XKR4: variants seen among roughly 807,000 people sequenced by gnomAD.
The protein encoded by XKR4 is XK-related protein 4.
In XKR4, 12 loss-of-function variants were observed where a neutral mutation model predicts 53.9. The observed-to-expected ratio is 0.22, with a 90% CI of 0.14 to 0.36. The LOEUF is 0.36. XKR4 is among the 10% of genes least tolerant of loss of function. XKR4 has a pLI of 1.00. For synonymous variants in XKR4, 354 were observed against 362.4 expected (o/e 0.98, Z 0.26); for missense variants, 799 against 859.5 (o/e 0.93, Z 0.88).
intron 2 of XKR4, among the ~76,000 whole-genome samples, chr8:55,403,989 C>A (rs1200625108): frequency 6.6e-6 from 1 of 152,134 alleles, no homozygotes; most frequent in Non-Finnish European, 1.5e-5. Context: ...TCTTCTCAGG[C>A]CTCTTTATGA....
chr8:55,291,785 A>G (rs1819024724), intron 1 of XKR4, among the ~76,000 whole-genome samples: 1 of 152,174 alleles, frequency 6.6e-6, no homozygotes, highest in Non-Finnish European at 1.5e-5. Context: ...TTCTATGTAG[A>G]CAATCATGTC....
At chr8:55,465,684 T>C (rs1805754992) in intron 2 of XKR4, among the ~76,000 whole-genome samples, 1 of 151,904 alleles carries the variant, frequency 6.6e-6, no homozygotes, top group Non-Finnish European at 1.5e-5. Context: ...GAAACCACCA[T>C]CAGAGTGAAC....
At chr8:55,424,409 T>A (rs1804981587) in intron 2 of XKR4, among the ~76,000 whole-genome samples, 1 of 152,234 alleles carries the variant, frequency 6.6e-6, no homozygotes, top group Non-Finnish European at 1.5e-5. Context: ...CACGCAATGA[T>A]TCTATCAGTT....
intron 2 of XKR4, among the ~76,000 whole-genome samples, chr8:55,441,255 A>T (rs1805261751): frequency 6.6e-6 from 1 of 152,076 alleles, no homozygotes; most frequent in South Asian, 2.1e-4. Context: ...AAAACATAAA[A>T]AAATAAAGTA....
intron 1 of XKR4, among the ~76,000 whole-genome samples, chr8:55,207,022 A>G (rs1817660238): frequency 6.6e-6 from 1 of 152,222 alleles, no homozygotes; most frequent in African/African-American, 2.4e-5. Flanking sequence ...TCCACTTGGC[A>G]TTTCTACTAG....
chr8:55,381,382 A>G (rs1667170115), intron 2 of XKR4, among the ~76,000 whole-genome samples: 1 of 152,180 alleles, frequency 6.6e-6, no homozygotes, highest in Admixed American at 6.5e-5. Context: ...TGGCTCACAC[A>G]ATTATGGAGG....
At chr8:55,428,514 T>A (rs1021191221) in intron 2 of XKR4, among the ~76,000 whole-genome samples, 1 of 152,216 alleles carries the variant, frequency 6.6e-6, no homozygotes, top group Non-Finnish European at 1.5e-5. Flanking sequence ...AGGAGCTGAC[T>A]TCCACCCTGG....
In XKR4 at chr8:55,528,135, T is replaced by C. The variant is rs1019309522; in HGVS notation, c.*3908T>C. The C allele has an allele frequency of 2.0e-5, 3 of 152,206 alleles. No individual in the cohort carries two copies. The highest frequency in any genetic ancestry group is 7.2e-5 in the African/African-American group (3 of 41,460). The allele number at this position is 152,206 out of a possible 1,614,324, so 9.4% of individuals were successfully genotyped here. Reference sequence around the variant, plus strand: ...ACATAAACTTTTTAGAAAAGAAGCATTTTCCTGCTCCTTTTTCAAAACCAA... The same window carrying C: ...ACATAAACTTTTTAGAAAAGAAGCACTTTCCTGCTCCTTTTTCAAAACCAA... On this transcript the variant is annotated 3_prime_UTR_variant, in exon 3 of 3. Coordinates refer to ENST00000327381, the MANE Select transcript of XKR4 (RefSeq NM_052898.2).
rs543946779 is a variant in XKR4 at position 55,270,429 on chromosome 8, G to A, written c.807-87249G>A. The stretch of plus-strand genomic sequence containing the variant: ...TCCCCACTCTCCCAGGAAGGGTTAG[G>A]AGTTTCCTTCACGAACTGCCTCAGT... On this transcript the variant is annotated intron_variant, in intron 1 of 2. Coordinates refer to ENST00000327381, the MANE Select transcript of XKR4 (RefSeq NM_052898.2). 2.6e-5 allele frequency among the ~76,000 whole-genome samples: 4 copies of A among 152,262 alleles called. No homozygotes were observed. In the East Asian group the frequency reaches 7.7e-4, roughly 29 times the overall value.
intron 1 of XKR4, among the ~76,000 whole-genome samples, chr8:55,172,826 C>T (rs981566866): frequency 2.0e-5 from 3 of 152,086 alleles, no homozygotes; most frequent in East Asian, 1.9e-4. Flanking sequence ...CAGTGATTTA[C>T]GGGAAATGCT....
chr8:55,142,621 A>C (rs993351907), intron 1 of XKR4, among the ~76,000 whole-genome samples: 3 of 152,256 alleles, frequency 2.0e-5, no homozygotes, highest in African/African-American at 7.2e-5. Context: ...AGAAATAACA[A>C]AGTGGGACCA....
intron 2 of XKR4, among the ~76,000 whole-genome samples, chr8:55,391,944 ATTT>A (rs1255439216): frequency 6.6e-6 from 1 of 152,210 alleles, no homozygotes; most frequent in Non-Finnish European, 1.5e-5. Flanking sequence ...ACTATCGATC[ATTT>A]TGTAACTCTC....
intron 1 of XKR4, among the ~76,000 whole-genome samples, chr8:55,351,107 G>C (rs1304399051): frequency 6.6e-6 from 1 of 152,112 alleles, no homozygotes; most frequent in African/African-American, 2.4e-5. Context: ...GCACAGCAAT[G>C]TGATGGCACT....
At chr8:55,230,307 C>T (rs570184894) in intron 1 of XKR4, among the ~76,000 whole-genome samples, 4 of 150,502 alleles carry the variant, frequency 2.7e-5, no homozygotes, top group African/African-American at 9.7e-5. Context: ...TCTCCTACTA[C>T]AGACATGTTT....
At chr8:55,494,854 A>G (rs1341506118) in intron 2 of XKR4, among the ~76,000 whole-genome samples, 1 of 152,152 alleles carries the variant, frequency 6.6e-6, no homozygotes, top group Non-Finnish European at 1.5e-5. Context: ...AAGCACTACA[A>G]GTTCCCCCTC....
chr8:55,370,708 C>T lies in XKR4; in HGVS notation c.1006+12831C>T, dbSNP rs1167027247. Among the ~76,000 whole-genome samples the T allele has an allele frequency of 2.0e-5, 3 of 152,106 alleles. No homozygotes were observed. The East Asian group carries it at 5.8e-4, about 29-fold the overall frequency. On this transcript the variant is annotated intron_variant, in intron 2 of 2. Coordinates refer to ENST00000327381, the MANE Select transcript of XKR4 (RefSeq NM_052898.2). ...ATCCAATAGCACTTAGTGCTAAGCC[C>T]TCAGGGTATAAAAGAAAGATGACAG...
chr8:55,365,381 A>C (rs1201726797), intron 2 of XKR4, among the ~76,000 whole-genome samples: 1 of 152,210 alleles, frequency 6.6e-6, no homozygotes, highest in Non-Finnish European at 1.5e-5. Flanking sequence ...ATACCACCCC[A>C]GACCAGGAAA....
At chr8:55,470,180 G>T (rs75751611) in intron 2 of XKR4, among the ~76,000 whole-genome samples, 1 of 152,132 alleles carries the variant, frequency 6.6e-6, no homozygotes, top group African/African-American at 2.4e-5. Context: ...ATTACCGAAG[G>T]CACAGAAGCA....
rs142651889 is a variant in XKR4 at position 55,425,136 on chromosome 8, T to C, written c.1006+67259T>C. 1.3e-3 allele frequency among the ~76,000 whole-genome samples: 191 copies of C among 152,268 alleles called. 3 individuals are homozygous for C. In the South Asian group the frequency reaches 0.013, roughly 11 times the overall value. On this transcript the variant is annotated intron_variant, in intron 2 of 2. Transcript: ENST00000327381. ...AACTCCACATAGAGGCCCTCAATAATAGAGTCACATATGGTCTTACAACCT... is the reference window on the plus strand; with the variant it reads ...AACTCCACATAGAGGCCCTCAATAACAGAGTCACATATGGTCTTACAACCT...
Sources: gnomAD v4.1 joint callset for allele counts (sites outside exome capture counted in the v4.1 genomes callset) on GRCh38, gnomAD v4.1.1 for gene constraint, MANE v1.5 for transcripts, NCBI Gene and HGNC (gene_info 2026-07-23, HGNC 2026-07-21) for gene names.